The following DIAPH3 variants were observed in gnomAD, a reference collection of about 807,000 sequenced individuals.
DIAPH3 encodes protein diaphanous homolog 3.
A neutral mutation model predicts 144.3 loss-of-function variants in DIAPH3; 117 were observed. That is an observed-to-expected ratio of 0.81 (90% confidence interval 0.70 to 0.95). The LOEUF is 0.95. Among genes scored for constraint, DIAPH3 ranks in the 40% least tolerant of loss-of-function variants. The probability of loss-of-function intolerance (pLI) is 0.00; values close to 1 mark genes in which losing one functional copy is unlikely to be tolerated. For synonymous variants in DIAPH3, 519 were observed against 488.9 expected (o/e 1.06, Z -0.81); for missense variants, 1,421 against 1,412.7 (o/e 1.01, Z -0.09).
chr13:60,066,734 GA>G (rs1379448741), intron 4 of DIAPH3, among the ~76,000 whole-genome samples: 1 of 152,144 alleles, frequency 6.6e-6, no homozygotes, highest in East Asian at 1.9e-4. Context: ...GTGAAAATCA[GA>G]AATGGCACAT....
chr13:59,983,634 T>C, intron 13 of DIAPH3, 135 bp downstream of exon 13: 2 of 628,128 alleles, frequency 3.2e-6, no homozygotes, highest in Non-Finnish European at 5.6e-6. Context: ...ATAATGTTTT[T>C]GTGCTATTAT....
chr13:59,943,246 C>T (rs1018228967), intron 17 of DIAPH3, among the ~76,000 whole-genome samples: 34 of 152,122 alleles, frequency 2.2e-4, no homozygotes, highest in African/African-American at 8.2e-4. Context: ...TGTTAAGCTA[C>T]CAAGAACTCT....
At chr13:60,058,075 C>G (rs1167508454) in intron 4 of DIAPH3, among the ~76,000 whole-genome samples, 7 of 151,206 alleles carry the variant, frequency 4.6e-5, no homozygotes, top group Non-Finnish European at 1.5e-5. Context: ...TTCTGCATAA[C>G]AAAAGAAATC....
chr13:60,066,111 T>C (rs1263717194), intron 4 of DIAPH3, among the ~76,000 whole-genome samples: 1 of 152,140 alleles, frequency 6.6e-6, no homozygotes, highest in Admixed American at 6.6e-5. Context: ...ACATGAATCA[T>C]AAGCAATAAG....
intron 20 of DIAPH3, among the ~76,000 whole-genome samples, 162 bp downstream of exon 20, chr13:59,911,573 A>T (rs1007731785): frequency 6.6e-5 from 10 of 152,340 alleles, no homozygotes; most frequent in Non-Finnish European, 1.0e-4. Context: ...ATTTTAAATC[A>T]AGGTAATTTC....
chr13:59,688,661 T>C (rs2033342535), intron 27 of DIAPH3, among the ~76,000 whole-genome samples: 1 of 152,042 alleles, frequency 6.6e-6, no homozygotes, highest in South Asian at 2.1e-4. Context: ...AGAATTTTGG[T>C]GGAGTGAGGT....
intron 17 of DIAPH3, among the ~76,000 whole-genome samples, chr13:59,957,434 G>A (rs1001594846): frequency 6.6e-6 from 1 of 152,166 alleles, no homozygotes; most frequent in African/African-American, 2.4e-5. Flanking sequence ...TGTAAGATGG[G>A]CTTTTGCTCC....
chr13:60,026,505 C>A (rs1262471994), intron 5 of DIAPH3, among the ~76,000 whole-genome samples: 1 of 151,950 alleles, frequency 6.6e-6, no homozygotes, highest in East Asian at 1.9e-4. Flanking sequence ...GAAGACAACG[C>A]ATTATGAGTA....
intron 21 of DIAPH3, among the ~76,000 whole-genome samples, chr13:59,870,615 G>C (rs1019795932): frequency 6.7e-6 from 1 of 150,272 alleles, no homozygotes; most frequent in Non-Finnish European, 1.5e-5. Flanking sequence ...AACATGAAAT[G>C]TCTATTACTT....
intron 27 of DIAPH3, among the ~76,000 whole-genome samples, chr13:59,683,379 T>A (rs9538497): frequency 0.19 from 28,433 of 152,030 alleles, 3,243 homozygotes; most frequent in Non-Finnish European, 0.26. Flanking sequence ...AGTCCTGTGG[T>A]TGTGTTAGAT....
intron 1 of DIAPH3, among the ~76,000 whole-genome samples, chr13:60,159,743 C>T (rs7322517): frequency 0.015 from 2,311 of 152,172 alleles, 76 homozygotes; most frequent in African/African-American, 0.053. Context: ...TCTCTGTGTA[C>T]CTTGGTTTCC....
chr13:59,745,805 G>T (rs2036673210), intron 27 of DIAPH3, among the ~76,000 whole-genome samples: 1 of 152,168 alleles, frequency 6.6e-6, no homozygotes, highest in Admixed American at 6.5e-5. Flanking sequence ...TTAGGGATAT[G>T]TAAAAATTAT....
intron 24 of DIAPH3, among the ~76,000 whole-genome samples, chr13:59,815,750 C>G (rs916998285): frequency 2.0e-5 from 3 of 151,982 alleles, no homozygotes; most frequent in Non-Finnish European, 2.9e-5. Flanking sequence ...GCCACCACAC[C>G]CAGCCTAAAA....
intron 4 of DIAPH3, among the ~76,000 whole-genome samples, chr13:60,087,474 T>C (rs545739508): frequency 2.0e-5 from 3 of 152,336 alleles, no homozygotes; most frequent in East Asian, 3.9e-4. Context: ...TCTACACTTA[T>C]GAACTCAATT....
chr13:59,777,934 G>T (rs1857108189), intron 25 of DIAPH3, among the ~76,000 whole-genome samples: 1 of 152,114 alleles, frequency 6.6e-6, no homozygotes, highest in Non-Finnish European at 1.5e-5. Flanking sequence ...ACGTTATTGG[G>T]ATAACTGGAG....
intron 18 of DIAPH3, among the ~76,000 whole-genome samples, chr13:59,924,298 C>G (rs1271922073): frequency 6.6e-6 from 1 of 152,082 alleles, no homozygotes. Flanking sequence ...TGAGGAAAGG[C>G]TTTGAACTGC....
At chr13:60,065,357 A>G (rs1413974621) in intron 4 of DIAPH3, among the ~76,000 whole-genome samples, 1 of 151,862 alleles carries the variant, frequency 6.6e-6, no homozygotes, top group Non-Finnish European at 1.5e-5. Flanking sequence ...TACAACTATT[A>G]TAATACAACT....
At chr13:60,140,658 C>A (rs1350018253) in intron 1 of DIAPH3, among the ~76,000 whole-genome samples, 1 of 151,858 alleles carries the variant, frequency 6.6e-6, no homozygotes, top group Non-Finnish European at 1.5e-5. Context: ...TTTTTCATAT[C>A]TTCATGTATT....
intron 27 of DIAPH3, among the ~76,000 whole-genome samples, chr13:59,763,312 A>C (rs908039141): frequency 6.6e-6 from 1 of 151,944 alleles, no homozygotes; most frequent in African/African-American, 2.4e-5. Flanking sequence ...ACATGTGTAT[A>C]TATGTATATA....
Sources: gnomAD v4.1 joint callset for allele counts (sites outside exome capture counted in the v4.1 genomes callset) on GRCh38, gnomAD v4.1.1 for gene constraint, MANE v1.5 for transcripts, NCBI Gene and HGNC (gene_info 2026-07-23, HGNC 2026-07-21) for gene names.